UBE3C: variants seen among roughly 807,000 people sequenced by gnomAD.
UBE3C encodes ubiquitin-protein ligase E3C.
UBE3C carries 42 observed loss-of-function variants against 129.4 expected under a neutral mutation model. The ratio of observed to expected loss-of-function variants is 0.32; its 90% CI spans 0.25 to 0.42. The LOEUF (loss-of-function observed/expected upper bound fraction) is 0.42. UBE3C is among the 10% of genes least tolerant of loss of function. The pLI, the probability that UBE3C is intolerant of heterozygous loss-of-function variation, is 1.00. For synonymous variants in UBE3C, 510 were observed against 492.4 expected, an observed-to-expected ratio of 1.04 and a Z score of -0.47; for missense variants, 1,049 against 1,319.1, an observed-to-expected ratio of 0.80 and a Z score of 3.17.
intron 4 of UBE3C, among the ~76,000 whole-genome samples, chr7:157,171,027 G>A (rs1348516311): frequency 6.6e-6 from 1 of 151,946 alleles, no homozygotes; most frequent in Non-Finnish European, 1.5e-5. Flanking sequence ...GCCCAGGCTG[G>A]TCGTGAACTT....
intron 22 of UBE3C, among the ~76,000 whole-genome samples, chr7:157,261,523 G>A (rs188377869): frequency 6.6e-6 from 1 of 152,016 alleles, no homozygotes; most frequent in African/African-American, 2.4e-5. Context: ...TTTTGAAGTT[G>A]TTATATGTTA....
At chr7:157,147,387 C>A (rs1011653423) in intron 1 of UBE3C, among the ~76,000 whole-genome samples, 6 of 152,186 alleles carry the variant, frequency 3.9e-5, no homozygotes, top group African/African-American at 4.8e-5. Context: ...GTCCTGAAAT[C>A]TTGCTATAAT....
chr7:157,266,943 T>C (rs1267857183), intron 22 of UBE3C, among the ~76,000 whole-genome samples: 1 of 152,136 alleles, frequency 6.6e-6, no homozygotes, highest in Admixed American at 6.6e-5. Context: ...GGTCTCGTTA[T>C]GTTGCCCAGG....
chr7:157,227,291 G>T (rs964941895), intron 17 of UBE3C, among the ~76,000 whole-genome samples: 3 of 152,176 alleles, frequency 2.0e-5, no homozygotes, highest in Non-Finnish European at 4.4e-5. Context: ...GGTGAGGGGA[G>T]CTCCGAGGGC....
intron 4 of UBE3C, among the ~76,000 whole-genome samples, chr7:157,174,474 GTC>G (rs540373125): frequency 6.6e-6 from 1 of 151,480 alleles, no homozygotes. Flanking sequence ...TGGAGACAGG[GTC>G]TCTCTCTCTC....
chr7:157,162,677 C>T (rs748823122), intron 1 of UBE3C, among the ~76,000 whole-genome samples: 20 of 151,956 alleles, frequency 1.3e-4, no homozygotes, highest in Admixed American at 3.3e-4. Context: ...GTAGCTGGGA[C>T]TACGGGCACA....
In UBE3C at chr7:157,174,912, G is replaced by A; in HGVS notation, c.343-7G>A. 6 of 1,579,372 alleles carry A rather than the reference G, an allele frequency of 3.8e-6. No homozygotes were observed. The highest frequency in any genetic ancestry group is 1.2e-5 in the South Asian group (1 of 83,904). On this transcript the variant is annotated splice_region_variant and splice_polypyrimidine_tract_variant and intron_variant, in intron 4 of 22. Coordinates refer to ENST00000348165, the MANE Select transcript of UBE3C (RefSeq NM_014671.3). The stretch of plus-strand genomic sequence containing the variant: ...AGAGTTGTATATTTTATGTTTTGCT[G>A]TTTCAGATATGGCTGTATCAGAACT...
intron 10 of UBE3C, among the ~76,000 whole-genome samples, chr7:157,196,754 A>AG (rs3837148): frequency 0.43 from 64,786 of 150,936 alleles, 15,137 homozygotes; most frequent in African/African-American, 0.65. Context: ...GGATCACCTG[A>AG]GGTCGGGAGT....
At chr7:157,139,366 C>T (rs1444692839) in intron 1 of UBE3C, 28 bp downstream of exon 1, 1 of 1,548,556 alleles carries the variant, frequency 6.5e-7, no homozygotes, top group Non-Finnish European at 8.7e-7. Flanking sequence ...GGGGCGCCCT[C>T]GGCTCGGGGC....
chr7:157,198,684 G>A (rs368951310), intron 10 of UBE3C, among the ~76,000 whole-genome samples: 6 of 152,048 alleles, frequency 3.9e-5, no homozygotes, highest in South Asian at 2.1e-4. Context: ...ACAGGCATGC[G>A]CCACCACACC....
chr7:157,264,025 C>T (rs1182064947), intron 22 of UBE3C, among the ~76,000 whole-genome samples: 3 of 152,052 alleles, frequency 2.0e-5, no homozygotes, highest in Non-Finnish European at 4.4e-5. Flanking sequence ...CCCACACCAG[C>T]CTCCCAAAGC....
chr7:157,229,699 C>G (rs1253063982), intron 17 of UBE3C, among the ~76,000 whole-genome samples: 1 of 152,092 alleles, frequency 6.6e-6, no homozygotes, highest in East Asian at 1.9e-4. Flanking sequence ...GCAATCATAG[C>G]TCACTGCAGC....
intron 18 of UBE3C, among the ~76,000 whole-genome samples, chr7:157,239,132 C>T (rs1007510126): frequency 6.6e-6 from 1 of 152,168 alleles, no homozygotes; most frequent in Admixed American, 6.5e-5. Flanking sequence ...AAATGTGTAC[C>T]TATTAATTAG....
chr7:157,148,369 C>T (rs557750954), intron 1 of UBE3C, among the ~76,000 whole-genome samples: 37 of 152,298 alleles, frequency 2.4e-4, no homozygotes, highest in African/African-American at 8.2e-4. Flanking sequence ...TCCCAATGTG[C>T]TGGGATTACA....
chr7:157,170,224 C>T (rs1235058653), intron 3 of UBE3C, 80 bp from the exon 4 acceptor site: 1 of 1,209,500 alleles, frequency 8.3e-7, no homozygotes, highest in Non-Finnish European at 1.1e-6. Context: ...CCTGTAAACA[C>T]AGCAACGTAT....
chr7:157,223,881 G>C (rs189942648), intron 16 of UBE3C, among the ~76,000 whole-genome samples: 47 of 152,238 alleles, frequency 3.1e-4, no homozygotes, highest in African/African-American at 9.6e-4. Flanking sequence ...GATCGTGCCA[G>C]TACACTCCAG....
chr7:157,182,678 C>A (rs753132941), intron 8 of UBE3C, among the ~76,000 whole-genome samples: 1 of 151,356 alleles, frequency 6.6e-6, no homozygotes, highest in African/African-American at 2.4e-5. Flanking sequence ...TGTTTGAAAA[C>A]ATACATACAT....
At chr7:157,161,511 G>T (rs1298129894) in intron 1 of UBE3C, among the ~76,000 whole-genome samples, 1 of 151,332 alleles carries the variant, frequency 6.6e-6, no homozygotes, top group African/African-American at 2.4e-5. Context: ...GAGTGCAGTG[G>T]CACAATCTCG....
At chr7:157,145,635 A>G (rs1266323410) in intron 1 of UBE3C, among the ~76,000 whole-genome samples, 1 of 152,238 alleles carries the variant, frequency 6.6e-6, no homozygotes, top group African/African-American at 2.4e-5. Flanking sequence ...AGAATGTCAT[A>G]TAGTTGGAAT....
Sources: gnomAD v4.1 joint callset for allele counts (sites outside exome capture counted in the v4.1 genomes callset) on GRCh38, gnomAD v4.1.1 for gene constraint, MANE v1.5 for transcripts, NCBI Gene and HGNC (gene_info 2026-07-23, HGNC 2026-07-21) for gene names.